Variants in TMEM117 observed in about 807,000 individuals in gnomAD.
TMEM117 encodes transmembrane protein 117.
In TMEM117, 27 loss-of-function variants were observed where a neutral mutation model predicts 52.4. The ratio of observed to expected loss-of-function variants is 0.51; its 90% confidence interval spans 0.38 to 0.71. The LOEUF (loss-of-function observed/expected upper bound fraction) is 0.71, where lower values mean the gene tolerates loss of function less well. Among genes scored for constraint, TMEM117 ranks in the 30% least tolerant of loss-of-function variants. The pLI, the probability that TMEM117 is intolerant of heterozygous loss-of-function variation, is 0.00. For missense variants in TMEM117, 556 were observed against 630.5 expected, an observed-to-expected ratio of 0.88 and a Z score of 1.26; for synonymous variants, 215 against 206.3, an observed-to-expected ratio of 1.04 and a Z score of -0.36.
intron 3 of TMEM117, among the ~76,000 whole-genome samples, chr12:44,004,523 C>G (rs1946164339): frequency 6.6e-6 from 1 of 152,128 alleles, no homozygotes; most frequent in African/African-American, 2.4e-5. Flanking sequence ...AATCTCAGAT[C>G]ATTGTAGGGA....
intron 6 of TMEM117, among the ~76,000 whole-genome samples, chr12:44,346,645 C>G (rs1951491434): frequency 1.3e-5 from 2 of 152,132 alleles, no homozygotes; most frequent in African/African-American, 2.4e-5. Context: ...CAGACTGTGT[C>G]ACTTCAGCAT....
At chr12:44,192,122 T>C (rs1289816949) in intron 4 of TMEM117, among the ~76,000 whole-genome samples, 1 of 152,146 alleles carries the variant, frequency 6.6e-6, no homozygotes, top group Non-Finnish European at 1.5e-5. Flanking sequence ...TACTCAATCT[T>C]AGAGGAGTAT....
the TMEM117 span, among the ~76,000 whole-genome samples, chr12:43,803,399 GA>G: frequency 7.2e-5 from 11 of 152,024 alleles, no homozygotes; most frequent in African/African-American, 2.7e-4. Flanking sequence ...GAAAAACACT[GA>G]ATTTTCTAAA....
chr12:44,088,610 A>T (rs1442795819), intron 3 of TMEM117, among the ~76,000 whole-genome samples: 4 of 152,212 alleles, frequency 2.6e-5, no homozygotes, highest in Non-Finnish European at 5.9e-5. Flanking sequence ...TGTGAAATCT[A>T]ATGTGGTCCT....
intron 5 of TMEM117, among the ~76,000 whole-genome samples, chr12:44,275,823 T>G (rs1592658264): frequency 6.7e-6 from 1 of 149,058 alleles, no homozygotes. Context: ...GGCGGGGAGG[T>G]GGGAATGGTT....
intron 3 of TMEM117, among the ~76,000 whole-genome samples, chr12:44,051,201 C>G (rs1946965568): frequency 6.6e-6 from 1 of 152,028 alleles, no homozygotes; most frequent in Non-Finnish European, 1.5e-5. Flanking sequence ...CCTGAGAGGA[C>G]CTTGTGGCCT....
chr12:43,958,290 C>A (rs528753810), intron 3 of TMEM117, among the ~76,000 whole-genome samples: 4 of 152,240 alleles, frequency 2.6e-5, no homozygotes, highest in East Asian at 3.9e-4. Flanking sequence ...TGGTAAAAAT[C>A]CTTCTGTGAA....
At chr12:44,147,655 G>A (rs1304069408) in intron 4 of TMEM117, among the ~76,000 whole-genome samples, 1 of 152,068 alleles carries the variant, frequency 6.6e-6, no homozygotes, top group Admixed American at 6.5e-5. Context: ...ACAACTCTGG[G>A]CCGGGCGCGG....
At chr12:44,262,034 T>G (rs1950326393) in intron 5 of TMEM117, among the ~76,000 whole-genome samples, 1 of 152,026 alleles carries the variant, frequency 6.6e-6, no homozygotes, top group African/African-American at 2.4e-5. Flanking sequence ...CCATGTGGAG[T>G]TTTTATAAAA....
chr12:44,002,432 C>T (rs774411102), intron 3 of TMEM117, among the ~76,000 whole-genome samples: 6 of 152,088 alleles, frequency 3.9e-5, no homozygotes, highest in Middle Eastern at 3.2e-3. Flanking sequence ...CTGCAGCTCT[C>T]GGGTTGGGGT....
intron 3 of TMEM117, among the ~76,000 whole-genome samples, chr12:44,129,215 G>A (rs1948375420): frequency 6.6e-6 from 1 of 152,158 alleles, no homozygotes; most frequent in Non-Finnish European, 1.5e-5. Context: ...AGTCATACTG[G>A]GGGCTGAAAA....
intron 2 of TMEM117, among the ~76,000 whole-genome samples, chr12:43,866,539 C>T (rs1453560422): frequency 1.3e-5 from 2 of 152,082 alleles, no homozygotes; most frequent in African/African-American, 4.8e-5. Context: ...TGCATCACTG[C>T]ACTCCAGCCT....
intron 3 of TMEM117, among the ~76,000 whole-genome samples, chr12:43,948,890 A>T (rs1269638295): frequency 6.6e-6 from 1 of 152,214 alleles, no homozygotes; most frequent in Admixed American, 6.5e-5. Flanking sequence ...GGTAAGACTA[A>T]CAACTGATTG....
upstream of TMEM117, among the ~76,000 whole-genome samples, chr12:43,834,618 C>G (rs993646443): frequency 6.6e-6 from 1 of 152,074 alleles, no homozygotes; most frequent in Non-Finnish European, 1.5e-5. Flanking sequence ...TACTATATAT[C>G]CAGTGGTGTG....
chr12:44,384,424 C>T (rs769119503), intron 7 of TMEM117, among the ~76,000 whole-genome samples: 1 of 152,038 alleles, frequency 6.6e-6, no homozygotes, highest in Non-Finnish European at 1.5e-5. Flanking sequence ...ACTTCCCCAC[C>T]CCCACATGGC....
intron 4 of TMEM117, among the ~76,000 whole-genome samples, chr12:44,188,976 A>T (rs114346922): frequency 6.6e-6 from 1 of 152,164 alleles, no homozygotes; most frequent in African/African-American, 2.4e-5. Context: ...TACACATGAT[A>T]ATTGGATACA....
intron 3 of TMEM117, among the ~76,000 whole-genome samples, chr12:44,014,058 A>G (rs1304982085): frequency 6.6e-6 from 1 of 152,152 alleles, no homozygotes. Context: ...ACTGTGGACT[A>G]GAGAAGGAAA....
chr12:43,859,120 A>G (rs940952060), intron 2 of TMEM117, among the ~76,000 whole-genome samples: 2 of 152,220 alleles, frequency 1.3e-5, no homozygotes, highest in African/African-American at 4.8e-5. Flanking sequence ...AGCACCTCCA[A>G]CAAAGGCGAT....
intron 3 of TMEM117, among the ~76,000 whole-genome samples, chr12:44,046,278 A>T (rs1431861779): frequency 2.6e-5 from 4 of 152,186 alleles, no homozygotes. Context: ...GCAAGTTAAG[A>T]TTGCCACCTG....
Sources: gnomAD v4.1 joint callset for allele counts (sites outside exome capture counted in the v4.1 genomes callset) on GRCh38, gnomAD v4.1.1 for gene constraint, MANE v1.5 for transcripts, NCBI Gene and HGNC (gene_info 2026-07-23, HGNC 2026-07-21) for gene names.